The following TENM2 variants were observed in gnomAD, a reference collection of about 807,000 sequenced individuals.
TENM2 encodes teneurin-2.
In TENM2, 52 loss-of-function variants were observed where a neutral mutation model predicts 245.2. The ratio of observed to expected loss-of-function variants is 0.21; its 90% confidence interval spans 0.17 to 0.27. TENM2 has a LOEUF of 0.27. Ranked by LOEUF, TENM2 falls within the 10% of genes least tolerant of loss-of-function variation. TENM2 has a pLI of 1.00. For missense variants in TENM2, 3,046 were observed against 3,666.8 expected, an observed-to-expected ratio of 0.83 and a Z score of 4.37; for synonymous variants, 1,363 against 1,438.9, an observed-to-expected ratio of 0.95 and a Z score of 1.19.
chr5:167,576,725 A>C (rs1774715971), intron 2 of TENM2, among the ~76,000 whole-genome samples: 1 of 152,208 alleles, frequency 6.6e-6, no homozygotes, highest in Non-Finnish European at 1.5e-5. Context: ...AATATGCACC[A>C]GTTGCCAACA....
At chr5:168,126,590 A>G (rs1468821649) in intron 11 of TENM2, among the ~76,000 whole-genome samples, 164 bp from the exon 14 acceptor site, 7 of 152,174 alleles carry the variant, frequency 4.6e-5, no homozygotes, top group Non-Finnish European at 1.0e-4. Flanking sequence ...AAAAAGATCT[A>G]ACAATGAATT....
At chr5:167,669,805 G>A (rs1240070934) in intron 2 of TENM2, among the ~76,000 whole-genome samples, 1 of 151,814 alleles carries the variant, frequency 6.6e-6, no homozygotes, top group African/African-American at 2.4e-5. Flanking sequence ...GTGGTTGTAA[G>A]TTATAGCTGC....
At chr5:167,714,082 C>T (rs1327423055) in intron 2 of TENM2, among the ~76,000 whole-genome samples, 1 of 152,156 alleles carries the variant, frequency 6.6e-6, no homozygotes, top group African/African-American at 2.4e-5. Flanking sequence ...TGCCTTCTGA[C>T]TCAGGCTGTT....
the TENM2 span, among the ~76,000 whole-genome samples, chr5:167,185,947 C>T: frequency 3.9e-5 from 6 of 152,112 alleles, no homozygotes; most frequent in South Asian, 1.0e-3. Flanking sequence ...ACTGACTCCT[C>T]GGAATATCTA....
At chr5:167,766,509 A>T (rs545342327) in intron 2 of TENM2, among the ~76,000 whole-genome samples, 1 of 152,326 alleles carries the variant, frequency 6.6e-6, no homozygotes, top group Non-Finnish European at 1.5e-5. Context: ...TCAAATGGCT[A>T]TTACATCCAT....
At chr5:167,097,952 T>G in the TENM2 span, among the ~76,000 whole-genome samples, 1 of 152,228 alleles carries the variant, frequency 6.6e-6, no homozygotes, top group African/African-American at 2.4e-5. Context: ...GTATTGTGGT[T>G]ACAGTGACAA....
In TENM2 at chr5:167,501,729, T is replaced by G. The variant is rs10475849; in HGVS notation, c.502+126256T>G. ...GTTACCTCAATTGGTCCCTGAATCT[T>G]TAGTTAGAAGATTTGGAGACACTGT... is the stretch of plus-strand genomic sequence containing the variant. On this transcript the variant is annotated intron_variant, in intron 2 of 28. Coordinates refer to ENST00000518659, the Ensembl canonical transcript of TENM2. 8.0e-3 allele frequency among the ~76,000 whole-genome samples: 1,211 copies of G among 152,256 alleles called. 20 individuals carry two copies. Among genetic ancestry groups the G allele is most frequent in the African/African-American group, 0.028 (1,146 of 41,550 alleles).
At chr5:167,105,802 G>A in the TENM2 span, among the ~76,000 whole-genome samples, 3 of 143,470 alleles carry the variant, frequency 2.1e-5, no homozygotes, top group African/African-American at 7.8e-5. Flanking sequence ...GCAGGAGAAT[G>A]GCGTGAACCC....
At chr5:167,746,260 C>T (rs1295868475) in intron 2 of TENM2, among the ~76,000 whole-genome samples, 3 of 152,176 alleles carry the variant, frequency 2.0e-5, no homozygotes, top group African/African-American at 4.8e-5. Context: ...TACAGCCATA[C>T]TAGGGAGTGT....
At chr5:167,845,446 C>T (rs933673628) in intron 2 of TENM2, among the ~76,000 whole-genome samples, 1 of 152,164 alleles carries the variant, frequency 6.6e-6, no homozygotes, top group African/African-American at 2.4e-5. Context: ...CAGCTCAGAA[C>T]AATGCATCAC....
At chr5:167,451,948 A>G (rs949065782) in intron 2 of TENM2, among the ~76,000 whole-genome samples, 3 of 152,070 alleles carry the variant, frequency 2.0e-5, no homozygotes, top group African/African-American at 7.2e-5. Flanking sequence ...CGCGTCTGGC[A>G]GCAACTGATT....
intron 2 of TENM2, among the ~76,000 whole-genome samples, chr5:167,575,038 C>T (rs907069046): frequency 2.0e-5 from 3 of 150,440 alleles, no homozygotes; most frequent in African/African-American, 7.3e-5. Flanking sequence ...TGTTTTTAAC[C>T]TCAGTCTTTG....
the TENM2 span, among the ~76,000 whole-genome samples, chr5:167,154,706 T>C: frequency 1.3e-5 from 2 of 152,214 alleles, no homozygotes; most frequent in Admixed American, 1.3e-4. Context: ...CCATTGTTCA[T>C]TTACTAAATG....
intron 5 of TENM2, among the ~76,000 whole-genome samples, chr5:168,033,988 C>T (rs960379115): frequency 6.6e-6 from 1 of 150,918 alleles, no homozygotes; most frequent in Admixed American, 6.6e-5. Flanking sequence ...GATCGCCCCA[C>T]TGCACTCCAG....
chr5:167,829,729 C>G (rs1227507972), intron 2 of TENM2, among the ~76,000 whole-genome samples: 1 of 152,022 alleles, frequency 6.6e-6, no homozygotes, highest in Admixed American at 6.6e-5. Context: ...GCTAAATAAG[C>G]CAGAAAGTGT....
chr5:167,049,975 T>G, the TENM2 span, among the ~76,000 whole-genome samples: 1 of 152,140 alleles, frequency 6.6e-6, no homozygotes, highest in Non-Finnish European at 1.5e-5. Flanking sequence ...AGGAACCAAT[T>G]AAAGTTACCC....
At chr5:167,227,632 C>G in the TENM2 span, among the ~76,000 whole-genome samples, 1 of 152,278 alleles carries the variant, frequency 6.6e-6, no homozygotes, top group Non-Finnish European at 1.5e-5. Context: ...CACTTTTGCT[C>G]TGATGGGCGT....
At position 167,383,756 on chromosome 5, in the gene TENM2, G is replaced by A. The variant is rs207466603; in HGVS notation, c.502+8283G>A. Among the ~76,000 whole-genome samples the A allele has an allele frequency of 9.7e-5, 14 of 144,978 alleles. No individual in the cohort carries two copies. The South Asian group carries it at 2.0e-3, about 20-fold the overall frequency. On this transcript the variant is annotated intron_variant, in intron 2 of 28. Transcript: ENST00000518659. Reference sequence around the variant, plus strand: ...AAAAAAAAAAAAAAAAAAAACTTCCGTATAAATGTACCTTCATTTTCCCTT... The same window carrying A: ...AAAAAAAAAAAAAAAAAAAACTTCCATATAAATGTACCTTCATTTTCCCTT...
intron 13 of TENM2, among the ~76,000 whole-genome samples, chr5:168,174,582 T>C (rs2057806135): frequency 6.6e-6 from 1 of 152,212 alleles, no homozygotes; most frequent in Non-Finnish European, 1.5e-5. Context: ...TGTGCATTTC[T>C]CACAAGTGCC....
Sources: gnomAD v4.1 joint callset for allele counts (sites outside exome capture counted in the v4.1 genomes callset) on GRCh38, gnomAD v4.1.1 for gene constraint, MANE v1.5 for transcripts, NCBI Gene and HGNC (gene_info 2026-07-23, HGNC 2026-07-21) for gene names.